Variants in DNAAF1 observed in about 807,000 individuals in gnomAD.
The protein encoded by DNAAF1 is dynein axonemal assembly factor 1, also known as dynein assembly factor 1, axonemal.
DNAAF1 carries 65 observed loss-of-function variants against 71.1 expected under a neutral mutation model. The observed-to-expected ratio is 0.91, with a 90% confidence interval of 0.75 to 1.12. The LOEUF (loss-of-function observed/expected upper bound fraction) is 1.12, where lower values mean the gene tolerates loss of function less well. DNAAF1 is among the 50% of genes most tolerant of loss of function. The probability of loss-of-function intolerance (pLI) is 0.00; values close to 1 mark genes in which losing one functional copy is unlikely to be tolerated. For synonymous variants in DNAAF1, 414 were observed against 354.6 expected (o/e 1.17, Z -1.88); for missense variants, 1,178 against 899.8 (o/e 1.31, Z -3.96).
intron 7 of DNAAF1, among the ~76,000 whole-genome samples, chr16:84,166,742 G>C (rs1174167017): frequency 2.6e-5 from 4 of 152,166 alleles, no homozygotes; most frequent in African/African-American, 9.7e-5. Flanking sequence ...CTACCTGCCA[G>C]CACCAGTGAG....
At chr16:84,166,267 C>T (rs1051197049) in intron 7 of DNAAF1, among the ~76,000 whole-genome samples, 19 of 151,578 alleles carry the variant, frequency 1.3e-4, no homozygotes, top group Non-Finnish European at 2.4e-4. Flanking sequence ...TGTCCAGGCT[C>T]GTCTCGAACT....
At chr16:84,163,606 C>T (rs560723011) in intron 6 of DNAAF1, among the ~76,000 whole-genome samples, 2 of 152,164 alleles carry the variant, frequency 1.3e-5, no homozygotes, top group African/African-American at 4.8e-5. Context: ...GTCTCAATCT[C>T]TTGACCTCAT....
chr16:84,174,240 A>G, intron 9 of DNAAF1: 1 of 1,058,002 alleles, frequency 9.5e-7, no homozygotes, highest in Non-Finnish European at 1.1e-6. Flanking sequence ...CCGAACAAAC[A>G]CCCACAATAC....
At chr16:84,161,777 C>A (rs1013478665) in intron 6 of DNAAF1, among the ~76,000 whole-genome samples, 2 of 151,910 alleles carry the variant, frequency 1.3e-5, no homozygotes, top group African/African-American at 4.8e-5. Flanking sequence ...TTTATTAGAG[C>A]ACTCTCCATG....
chr16:84,176,593 G>C (rs2088679204), intron 11 of DNAAF1: 5 of 503,096 alleles, frequency 9.9e-6, no homozygotes, highest in South Asian at 8.1e-5. Flanking sequence ...AGATCTCCTG[G>C]GGCGGGGGCC....
chr16:84,157,648 T>C (rs1170899394), intron 5 of DNAAF1, among the ~76,000 whole-genome samples: 1 of 152,064 alleles, frequency 6.6e-6, no homozygotes, highest in Non-Finnish European at 1.5e-5. Flanking sequence ...TCGTGTGTAC[T>C]AGGAAAAAAA....
chr16:84,163,214 G>A (rs1327165695), intron 6 of DNAAF1, among the ~76,000 whole-genome samples: 1 of 151,882 alleles, frequency 6.6e-6, no homozygotes, highest in African/African-American at 2.4e-5. Flanking sequence ...GAAATTTCTG[G>A]GTCATACAGG....
chr16:84,177,030 G>A, intron 11 of DNAAF1: 1 of 165,656 alleles, frequency 6.0e-6, no homozygotes. Context: ...CCAAATTGGG[G>A]GCTGTGTGGA....
intron 8 of DNAAF1, among the ~76,000 whole-genome samples, chr16:84,171,617 G>A (rs1282774110): frequency 6.6e-6 from 1 of 152,152 alleles, no homozygotes; most frequent in African/African-American, 2.4e-5. Flanking sequence ...ACAGGCTGGC[G>A]GTGGGCTGTG....
intron 2 of DNAAF1, 37 bp downstream of exon 2, chr16:84,149,179 G>A: frequency 6.2e-7 from 1 of 1,613,152 alleles, no homozygotes. Flanking sequence ...CACATTTATG[G>A]AGTAAGGTAG....
At chr16:84,150,871 C>T (rs946662102) in intron 3 of DNAAF1, among the ~76,000 whole-genome samples, 1 of 152,152 alleles carries the variant, frequency 6.6e-6, no homozygotes, top group Non-Finnish European at 1.5e-5. Flanking sequence ...GCCTCAGCCT[C>T]CCAAAGTACT....
intron 1 of DNAAF1, among the ~76,000 whole-genome samples, chr16:84,146,893 A>G (rs2086939928): frequency 6.6e-6 from 1 of 152,206 alleles, no homozygotes; most frequent in Non-Finnish European, 1.5e-5. Context: ...AAACCAGCTG[A>G]TTTGTGTTCC....
chr16:84,152,860 G>T (rs1459250347), intron 3 of DNAAF1, among the ~76,000 whole-genome samples: 1 of 151,690 alleles, frequency 6.6e-6, no homozygotes, highest in Non-Finnish European at 1.5e-5. Flanking sequence ...AGGAGGCTGA[G>T]ACAGGAGAAT....
chr16:84,169,971 A>C lies in DNAAF1; in HGVS notation c.1143A>C (p.Glu381Asp). 2 of 1,614,112 alleles carry C rather than the reference A, an allele frequency of 1.2e-6. No individual in the cohort carries two copies. The highest frequency in any genetic ancestry group is 3.4e-4 in the Middle Eastern group (2 of 5,940). The change falls in exon 8 of 12, where the codon GAA (glutamate) becomes GAC (aspartate). Residue 381 changes from glutamate to aspartate, a missense_variant. Coordinates refer to ENST00000378553, the MANE Select transcript of DNAAF1 (RefSeq NM_178452.6). ...TRQKMELFVK[E>D]SFEAKDELCP... ...AGAAGATGGAGCTATTTGTTAAGGA[A>C]AGCTTTGAGGCCAAGGACGAGCTCT...
At position 84,149,079 on chromosome 16, in the gene DNAAF1, G is replaced by T. The variant is rs761521561; in HGVS notation, c.197G>T (p.Gly66Val). The T allele has an allele frequency of 3.1e-6, 5 of 1,614,186 alleles. No individual in the cohort carries two copies. The highest frequency in any genetic ancestry group is 4.2e-6 in the Non-Finnish European group (5 of 1,180,042). ...TSYHSQQKQS[G>V]DNGSGGHFAH... is the part of the protein sequence containing the mutation. ...TACCACAGCCAGCAGAAACAGAGTGGTGATAATGGGTCAGGTGGTCACTTC... is the reference window on the plus strand; with the variant it reads ...TACCACAGCCAGCAGAAACAGAGTGTTGATAATGGGTCAGGTGGTCACTTC... The change falls in exon 2 of 12, where the codon GGT (glycine) becomes GTT (valine). Residue 66 changes from glycine (G) to valine (V), a missense_variant. Gly to Val is a moderately radical substitution (Grantham distance 109, BLOSUM62 -3). Coordinates refer to ENST00000378553, the MANE Select transcript of DNAAF1 (RefSeq NM_178452.6).
At position 84,148,859 on chromosome 16, in the gene DNAAF1, G is replaced by T. The variant is rs1441692642; in HGVS notation, c.125-148G>T. ...CCTGCCTCAGCCTCCCAAAGAGCTG[G>T]GATTACAGGCCTGAGCCACCATACC... On this transcript the variant is annotated intron_variant, in intron 1 of 11. Transcript: ENST00000378553. The T allele has an allele frequency of 2.8e-5, 25 of 883,160 alleles. No individual in the cohort carries two copies. In the Admixed American group the frequency reaches 3.3e-4, roughly 12 times the overall value. 54.7% of individuals were successfully genotyped at this position (883,160 alleles called of 1,614,324 possible).
Position 84,170,329 on chromosome 16 carries a change from C to T in DNAAF1, c.1501C>T (p.Pro501Ser), listed in dbSNP as rs1424606444. ...EGTLPAEAPP[P>S]PPLGAAREEP... ...GACCCTCCCAGCTGAGGCCCCACCA[C>T]CACCGCCCCTGGGAGCTGCCAGGGA... Residue 501 changes from proline (P) to serine (S), a missense_variant, in exon 8 of 12, where the codon CCA becomes TCA. By Grantham distance (74) the Pro-to-Ser change is moderately conservative. Coordinates refer to ENST00000378553, the MANE Select transcript of DNAAF1 (RefSeq NM_178452.6). 6.2e-7 allele frequency: 1 copy of T among 1,611,772 alleles called. No individual in the cohort carries two copies. Among genetic ancestry groups the T allele is most frequent in the East Asian group, 2.2e-5 (1 of 44,738 alleles).
chr16:84,173,356 T>C (rs1014410446), intron 9 of DNAAF1: 3 of 633,888 alleles, frequency 4.7e-6, no homozygotes, highest in Admixed American at 6.4e-5. Context: ...CCCAGCTACT[T>C]GGGAGGCTGA....
chr16:84,167,417 C>T (rs748733860), intron 7 of DNAAF1, among the ~76,000 whole-genome samples: 8 of 152,086 alleles, frequency 5.3e-5, no homozygotes, highest in Non-Finnish European at 1.2e-4. Context: ...ATTTCCAGCC[C>T]CTCTGCCCTC....
Sources: allele counts gnomAD v4.1 joint callset (sites outside exome capture counted in the v4.1 genomes callset), GRCh38; gene constraint gnomAD v4.1.1; transcripts MANE v1.5; gene names NCBI Gene and HGNC (gene_info 2026-07-23, HGNC 2026-07-21).